The following DAPK1 variants were observed in gnomAD, a reference collection of about 807,000 sequenced individuals.
The protein encoded by DAPK1 is death associated protein kinase 1, also known as death-associated protein kinase 1.
Under a neutral mutation model 144.9 loss-of-function variants are expected in DAPK1, and 56 were observed. The observed-to-expected ratio is 0.39, with a 90% CI of 0.31 to 0.48. DAPK1 has a LOEUF of 0.48. Among genes scored for constraint, DAPK1 ranks in the 20% least tolerant of loss-of-function variants. DAPK1 has a pLI of 0.95. For missense variants in DAPK1, 1,454 were observed against 1,875.4 expected, an observed-to-expected ratio of 0.78 and a Z score of 4.15; for synonymous variants, 690 against 749.0, an observed-to-expected ratio of 0.92 and a Z score of 1.29.
intron 21 of DAPK1, among the ~76,000 whole-genome samples, chr9:87,693,915 G>T (rs1479863981): frequency 6.6e-6 from 1 of 152,140 alleles, no homozygotes; most frequent in Admixed American, 6.5e-5. Context: ...TTCTGGAGAT[G>T]GGGATACCAC....
intron 3 of DAPK1, among the ~76,000 whole-genome samples, chr9:87,624,519 G>A (rs1564028907): frequency 6.6e-6 from 1 of 152,230 alleles, no homozygotes; most frequent in Admixed American, 6.5e-5. Flanking sequence ...AGGCGATGCA[G>A]CAAAAGAGAC....
chr9:87,509,851 A>T (rs1008211307), intron 2 of DAPK1, among the ~76,000 whole-genome samples: 2 of 152,164 alleles, frequency 1.3e-5, no homozygotes, highest in Non-Finnish European at 2.9e-5. Context: ...TTCCTTCTGC[A>T]CCACAGCACA....
chr9:87,627,557 C>T (rs1829533658), intron 3 of DAPK1, among the ~76,000 whole-genome samples: 1 of 152,034 alleles, frequency 6.6e-6, no homozygotes, highest in Admixed American at 6.6e-5. Flanking sequence ...GTGTCTAGAC[C>T]CAAAGGAAAG....
At chr9:87,603,042 G>T (rs1343493990) in intron 2 of DAPK1, among the ~76,000 whole-genome samples, 2 of 152,230 alleles carry the variant, frequency 1.3e-5, no homozygotes, top group East Asian at 1.9e-4. Context: ...TTGGCCATGT[G>T]TGAGGTATGA....
chr9:87,556,214 G>C (rs1003068389), intron 2 of DAPK1, among the ~76,000 whole-genome samples: 1 of 152,204 alleles, frequency 6.6e-6, no homozygotes, highest in Non-Finnish European at 1.5e-5. Context: ...GGCTGGCATT[G>C]TTCTAAGTGC....
intron 10 of DAPK1, among the ~76,000 whole-genome samples, chr9:87,642,688 G>C (rs987491890): frequency 1.3e-4 from 20 of 152,236 alleles, no homozygotes; most frequent in African/African-American, 4.8e-4. Context: ...TGTCTTCCCA[G>C]CTCAGGGCCA....
intron 2 of DAPK1, among the ~76,000 whole-genome samples, chr9:87,554,611 C>G (rs1379151802): frequency 1.3e-5 from 2 of 152,188 alleles, no homozygotes; most frequent in African/African-American, 4.8e-5. Flanking sequence ...CACAGTAGGA[C>G]TTAGGGCGCT....
intron 3 of DAPK1, among the ~76,000 whole-genome samples, chr9:87,621,366 G>C (rs1018146992): frequency 6.6e-6 from 1 of 152,188 alleles, no homozygotes; most frequent in Non-Finnish European, 1.5e-5. Context: ...TGTCAGGCTC[G>C]GCCATTGCAC....
At chr9:87,560,183 A>T (rs1826860485) in intron 2 of DAPK1, among the ~76,000 whole-genome samples, 1 of 150,666 alleles carries the variant, frequency 6.6e-6, no homozygotes, top group Non-Finnish European at 1.5e-5. Context: ...TTTAGTAGAG[A>T]CGGGGTTTCG....
chr9:87,590,392 A>T (rs1254690086), intron 2 of DAPK1, among the ~76,000 whole-genome samples: 3 of 149,464 alleles, frequency 2.0e-5, no homozygotes, highest in Admixed American at 2.0e-4. Flanking sequence ...AAAAGAAAAG[A>T]AAAGAAAAGA....
chr9:87,640,265 T>C (rs761667998), intron 7 of DAPK1, 33 bp from the exon 8 acceptor site: 1 of 1,599,760 alleles, frequency 6.3e-7, no homozygotes, highest in Non-Finnish European at 8.5e-7. Flanking sequence ...GGGGTCATCA[T>C]TAATGTTCTA....
rs1825712075 is a variant in DAPK1 at position 87,708,370 on chromosome 9, G to A, written c.*1006G>A. ...GGTTTCATAACTTCCTGTACTTGAA[G>A]TCTAAAAGCAGAAAATAAAGGAAGC... On this transcript the variant is annotated 3_prime_UTR_variant, in exon 26 of 26. Transcript: ENST00000408954. 6.6e-6 allele frequency: 1 copy of A among 152,660 alleles called. No individual in the cohort carries two copies. Among genetic ancestry groups the A allele is most frequent in the Non-Finnish European group, 1.5e-5 (1 of 68,122 alleles). The allele number at this position is 152,660 out of a possible 1,614,324, so 9.5% of individuals were successfully genotyped here.
chr9:87,504,939 G>T (rs1824532366), intron 2 of DAPK1, among the ~76,000 whole-genome samples: 1 of 152,130 alleles, frequency 6.6e-6, no homozygotes, highest in African/African-American at 2.4e-5. Context: ...GAATATTTTT[G>T]GTACAAGGTT....
In DAPK1 at chr9:87,707,964, C is replaced by T. The variant is rs1825700148; in HGVS notation, c.*600C>T. 2.3e-6 allele frequency: 1 copy of T among 442,916 alleles called. No individual in the cohort carries two copies. The highest frequency in any genetic ancestry group is 1.6e-5 in the South Asian group (1 of 61,750). 27.4% of individuals were successfully genotyped at this position (442,916 alleles called of 1,614,324 possible). The stretch of plus-strand genomic sequence containing the variant: ...AGGAGCTGTCACCAAGGAAACGCTA[C>T]CTCTCTGTCCCTTGCTGTATGCTGA... On this transcript the variant is annotated 3_prime_UTR_variant, in exon 26 of 26. Coordinates refer to ENST00000408954, the MANE Select transcript of DAPK1 (RefSeq NM_004938.4). The surrounding 1 kb of genome is among the most constrained non-coding windows in gnomAD (Gnocchi z 4.0).
chr9:87,533,391 G>A (rs1317153100), intron 2 of DAPK1, among the ~76,000 whole-genome samples: 1 of 152,174 alleles, frequency 6.6e-6, no homozygotes, highest in Non-Finnish European at 1.5e-5. Flanking sequence ...TCCAGGGGCA[G>A]GAGAAGGAGT....
intron 19 of DAPK1, among the ~76,000 whole-genome samples, chr9:87,679,590 G>A (rs1306501353): frequency 6.6e-6 from 1 of 152,174 alleles, no homozygotes; most frequent in African/African-American, 2.4e-5. Flanking sequence ...TATTAGATGT[G>A]AAATTGTTCA....
intron 24 of DAPK1, among the ~76,000 whole-genome samples, chr9:87,701,594 A>G (rs1200238774): frequency 3.3e-5 from 5 of 152,168 alleles, no homozygotes; most frequent in Non-Finnish European, 5.9e-5. Flanking sequence ...TTGGTAAGAA[A>G]AGGGCGAGCG....
chr9:87,675,295 G>A (rs1483141650), intron 19 of DAPK1, among the ~76,000 whole-genome samples: 5 of 151,988 alleles, frequency 3.3e-5, no homozygotes, highest in African/African-American at 1.2e-4. Flanking sequence ...ACTTTCACCT[G>A]GCTGATGAGG....
At chr9:87,627,455 A>G (rs1587785151) in intron 3 of DAPK1, among the ~76,000 whole-genome samples, 1 of 151,506 alleles carries the variant, frequency 6.6e-6, no homozygotes, top group Admixed American at 6.6e-5. Flanking sequence ...AATGGCCAAC[A>G]CCTCCTCCCT....
Sources: gnomAD v4.1 joint callset for allele counts (sites outside exome capture counted in the v4.1 genomes callset) on GRCh38, gnomAD v4.1.1 for gene constraint, Gnocchi (gnomAD v3.1) non-coding constraint, MANE v1.5 for transcripts, NCBI Gene and HGNC (gene_info 2026-07-23, HGNC 2026-07-21) for gene names.